ACACA: variants seen among roughly 807,000 people sequenced by gnomAD.
ACACA encodes acetyl-CoA carboxylase alpha, also known as acetyl-CoA carboxylase 1.
A neutral mutation model predicts 296.1 loss-of-function variants in ACACA; 103 were observed. The ratio of observed to expected loss-of-function variants is 0.35; its 90% CI spans 0.30 to 0.41. The LOEUF is 0.41. Among genes scored for constraint, ACACA ranks in the 10% least tolerant of loss-of-function variants. The pLI is 1.00. For synonymous variants in ACACA, 953 were observed against 1,038.6 expected (o/e 0.92, Z 1.58); for missense variants, 1,554 against 2,989.7 (o/e 0.52, Z 11.20).
intron 10 of ACACA, among the ~76,000 whole-genome samples, chr17:37,268,844 T>A (rs2081937900): frequency 6.7e-6 from 1 of 149,350 alleles, no homozygotes. Context: ...ACTTAAGGAC[T>A]TTCACAGAAA....
chr17:37,268,741 C>CTATCTATA lies in ACACA; in HGVS notation c.1119+2009_1119+2010insTATAGATA, dbSNP rs1219982787. ...TCTATCTATCTATCTATCTATCTAT[C>CTATCTATA]TATATATATATATATATATATATAT... On this transcript the variant is annotated intron_variant, in intron 10 of 55. Transcript: ENST00000616317. Among the ~76,000 whole-genome samples the CTATCTATA allele has an allele frequency of 2.4e-3, 225 of 94,486 alleles. 1 individual carries two copies. Among genetic ancestry groups the CTATCTATA allele is most frequent in the East Asian group, 0.012 (40 of 3,242 alleles). 62.0% of individuals were successfully genotyped at this position (94,486 alleles called of 152,430 possible).
chr17:37,279,644 TAAA>T (rs34306905), intron 5 of ACACA, among the ~76,000 whole-genome samples: 2 of 129,604 alleles, frequency 1.5e-5, no homozygotes, highest in Non-Finnish European at 1.6e-5. Context: ...AGACTCCGTC[TAAA>T]AAAAAAAAAA....
At chr17:37,242,839 C>A (rs1432868476) in intron 22 of ACACA, among the ~76,000 whole-genome samples, 3 of 152,202 alleles carry the variant, frequency 2.0e-5, no homozygotes. Flanking sequence ...GAGATCGAGA[C>A]CATCCTGGCC....
intron 1 of ACACA, among the ~76,000 whole-genome samples, chr17:37,352,140 G>A (rs934906427): frequency 7.3e-5 from 11 of 150,172 alleles, no homozygotes; most frequent in African/African-American, 2.5e-4. Context: ...GGATGGTCTC[G>A]ATCTCCTGAC....
chr17:37,092,025 C>T (rs1228361236), intron 54 of ACACA, among the ~76,000 whole-genome samples: 3 of 151,970 alleles, frequency 2.0e-5, no homozygotes, highest in African/African-American at 4.8e-5. Context: ...CAGTGGCTCA[C>T]GCCTGTTATC....
Position 37,138,412 on chromosome 17 carries a change from T to C in ACACA, c.5680-8194A>G, listed in dbSNP as rs529065534. Reference sequence around the variant, plus strand: ...GACTGGAGTCCTTGCATTTCTAATCTACTAACGTGTGGTTCTTGCACTTTT... The same window carrying C: ...GACTGGAGTCCTTGCATTTCTAATCCACTAACGTGTGGTTCTTGCACTTTT... On this transcript the variant is annotated intron_variant, in intron 45 of 55. Transcript: ENST00000616317. Among the ~76,000 whole-genome samples, 11 of 152,378 alleles carry C rather than the reference T, an allele frequency of 7.2e-5. No homozygotes were observed. In the East Asian group the frequency reaches 2.1e-3, roughly 29 times the overall value.
At chr17:37,096,930 G>A in intron 54 of ACACA, 66 bp downstream of exon 54, 1 of 1,597,474 alleles carries the variant, frequency 6.3e-7, no homozygotes, top group African/African-American at 1.3e-5. Context: ...TTGCTGGCGA[G>A]ACTTGCAGCC....
chr17:37,221,922 G>A (rs1305785665), intron 28 of ACACA, 80 bp from the exon 29 acceptor site: 4 of 1,203,194 alleles, frequency 3.3e-6, no homozygotes, highest in Non-Finnish European at 4.9e-6. Flanking sequence ...GTCTTGAAAC[G>A]AGGTATCTGA....
intron 35 of ACACA, among the ~76,000 whole-genome samples, chr17:37,195,405 T>A (rs2077949078): frequency 1.3e-5 from 2 of 152,122 alleles, no homozygotes; most frequent in African/African-American, 4.8e-5. Context: ...ATGCCTTTAA[T>A]ACAAATAATG....
At chr17:37,312,459 G>A (rs1374569553) in intron 3 of ACACA, among the ~76,000 whole-genome samples, 1 of 152,078 alleles carries the variant, frequency 6.6e-6, no homozygotes, top group African/African-American at 2.4e-5. Context: ...GATAATTAAC[G>A]CCTATTTTAC....
chr17:37,369,200 A>G (rs2049712904), intron 1 of ACACA, among the ~76,000 whole-genome samples: 1 of 152,214 alleles, frequency 6.6e-6, no homozygotes, highest in African/African-American at 2.4e-5. Flanking sequence ...TGCTACAAAA[A>G]CAGGCAAAAC....
rs964855351 is a variant in ACACA, at chr17:37,306,764, G to A, written c.339-21794C>T. Among the ~76,000 whole-genome samples the A allele has an allele frequency of 2.6e-5, 4 of 151,456 alleles. No homozygotes were observed. The East Asian group carries it at 7.7e-4, about 29-fold the overall frequency. On this transcript the variant is annotated intron_variant, in intron 3 of 55. Coordinates refer to ENST00000616317, the MANE Select transcript of ACACA (RefSeq NM_198834.3). Reference sequence around the variant, plus strand: ...GGCTGGAGTGCAGTGGTGCACCCTCGGCTCACTGCAACCTCTGCCTCCTGG... The same window carrying A: ...GGCTGGAGTGCAGTGGTGCACCCTCAGCTCACTGCAACCTCTGCCTCCTGG...
At chr17:37,242,983 C>T (rs555667314) in intron 22 of ACACA, among the ~76,000 whole-genome samples, 10 of 150,976 alleles carry the variant, frequency 6.6e-5, no homozygotes, top group Admixed American at 5.3e-4. Flanking sequence ...TGCAGTGAGC[C>T]GAGATCAGCC....
chr17:37,225,130 C>T (rs768669938), intron 26 of ACACA, 25 bp from the exon 27 acceptor site: 4 of 1,350,994 alleles, frequency 3.0e-6, no homozygotes, highest in African/African-American at 1.4e-5. Context: ...AAATAGGAGG[C>T]ACACATTCCT....
At chr17:37,214,168 G>A (rs370289765) in intron 29 of ACACA, among the ~76,000 whole-genome samples, 3 of 152,252 alleles carry the variant, frequency 2.0e-5, no homozygotes, top group East Asian at 3.9e-4. Flanking sequence ...CAGTACCATA[G>A]GAGAAAGAGC....
At chr17:37,259,234 A>C (rs2081339888) in intron 12 of ACACA, 126 bp downstream of exon 12, 1 of 1,094,538 alleles carries the variant, frequency 9.1e-7, no homozygotes, top group Non-Finnish European at 1.4e-6. Flanking sequence ...TACAGGGTGA[A>C]AGAGAAATGA....
intron 52 of ACACA, among the ~76,000 whole-genome samples, chr17:37,107,909 T>A (rs980473570): frequency 2.0e-5 from 3 of 152,192 alleles, no homozygotes; most frequent in Admixed American, 1.3e-4. Flanking sequence ...AGCAAGGCCG[T>A]CCCGCTCCAC....
At chr17:37,132,911 T>C (rs771540201) in intron 45 of ACACA, among the ~76,000 whole-genome samples, 5 of 152,228 alleles carry the variant, frequency 3.3e-5, no homozygotes, top group Non-Finnish European at 5.9e-5. Flanking sequence ...GTAGGCTCAA[T>C]AACTGAGTAC....
At chr17:37,266,771 A>G (rs1256535793) in intron 10 of ACACA, among the ~76,000 whole-genome samples, 2 of 152,212 alleles carry the variant, frequency 1.3e-5, no homozygotes. Flanking sequence ...CACTCCACAG[A>G]TACTTTAAAC....
Sources: allele counts gnomAD v4.1 joint callset (sites outside exome capture counted in the v4.1 genomes callset), GRCh38; gene constraint gnomAD v4.1.1; transcripts MANE v1.5; gene names NCBI Gene and HGNC (gene_info 2026-07-23, HGNC 2026-07-21).